Variants in ASIC2 observed in about 807,000 individuals in gnomAD.
ASIC2 encodes acid sensing ion channel subunit 2.
A neutral mutation model predicts 57.3 loss-of-function variants in ASIC2; 25 were observed. That is an observed-to-expected ratio of 0.44 (90% CI 0.32 to 0.61). ASIC2 has a LOEUF of 0.61. Ranked by LOEUF, ASIC2 falls within the 20% of genes least tolerant of loss-of-function variation. The pLI is 0.06. For synonymous variants in ASIC2, 319 were observed against 307.5 expected (o/e 1.04, Z -0.39); for missense variants, 641 against 738.1 (o/e 0.87, Z 1.52).
chr17:33,135,349 A>T (rs993012435), intron 1 of ASIC2, among the ~76,000 whole-genome samples: 17 of 152,100 alleles, frequency 1.1e-4, no homozygotes, highest in African/African-American at 4.1e-4. Context: ...GAAGCATCCC[A>T]TCTGGGCAGC....
chr17:33,063,883 T>C (rs9893318), intron 3 of ASIC2, among the ~76,000 whole-genome samples: 1,943 of 152,328 alleles, frequency 0.013, 34 homozygotes, highest in African/African-American at 0.044. Context: ...TTCTCTAAAC[T>C]TCTCTTCTCG....
intron 1 of ASIC2, among the ~76,000 whole-genome samples, chr17:33,402,055 G>C (rs1910304311): frequency 6.6e-6 from 1 of 152,102 alleles, no homozygotes; most frequent in Non-Finnish European, 1.5e-5. Flanking sequence ...ATTCTTGGAG[G>C]TCTTTGCAAG....
chr17:34,034,303 A>T (rs1907762571), intron 1 of ASIC2, among the ~76,000 whole-genome samples: 1 of 152,224 alleles, frequency 6.6e-6, no homozygotes, highest in Non-Finnish European at 1.5e-5. Flanking sequence ...CTTTGACAAA[A>T]TTCAACAACC....
intron 2 of ASIC2, among the ~76,000 whole-genome samples, chr17:33,104,905 A>G (rs1016300024): frequency 2.0e-5 from 3 of 152,148 alleles, no homozygotes; most frequent in African/African-American, 7.2e-5. Flanking sequence ...TCATCCTACA[A>G]TGAGGATTCT....
chr17:33,255,028 CTTTTTTT>C lies in ASIC2; in HGVS notation c.708+36373_708+36379del, dbSNP rs1173076413. Among the ~76,000 whole-genome samples, 198 of 74,014 alleles carry C rather than the reference CTTTTTTT, an allele frequency of 2.7e-3. 1 individual carries two copies. The South Asian group carries it at 0.027, about 10-fold the overall frequency. 48.6% of individuals were successfully genotyped at this position (74,014 alleles called of 152,430 possible). The stretch of plus-strand genomic sequence containing the variant: ...GACAAAATGCTATTTAGAAAGAAAT[CTTTTTTT>C]TTTTTTTTTTTTTTTTTTGGGACAG... On this transcript the variant is annotated intron_variant, in intron 1 of 9. Coordinates refer to ENST00000225823, the MANE Select transcript of ASIC2 (RefSeq NM_183377.2).
chr17:33,751,209 T>C (rs1181991153), intron 1 of ASIC2, among the ~76,000 whole-genome samples: 1 of 152,206 alleles, frequency 6.6e-6, no homozygotes, highest in Non-Finnish European at 1.5e-5. Flanking sequence ...AGCCCTATCA[T>C]TAATCAGATG....
chr17:33,445,660 G>A (rs913175042), intron 1 of ASIC2, among the ~76,000 whole-genome samples: 1 of 151,942 alleles, frequency 6.6e-6, no homozygotes, highest in African/African-American at 2.4e-5. Context: ...AGCTGGGCGT[G>A]GCGGCTCATG....
intron 1 of ASIC2, among the ~76,000 whole-genome samples, chr17:33,923,811 GA>G (rs1915761811): frequency 6.6e-6 from 1 of 152,164 alleles, no homozygotes; most frequent in South Asian, 2.1e-4. Flanking sequence ...GAGAGGGGAG[GA>G]GGGGCGTCCT....
intron 1 of ASIC2, among the ~76,000 whole-genome samples, chr17:33,222,128 A>C (rs1170385405): frequency 6.6e-6 from 1 of 152,194 alleles, no homozygotes; most frequent in Non-Finnish European, 1.5e-5. Context: ...GACTGGGGGA[A>C]TTCTTGTGTC....
intron 1 of ASIC2, among the ~76,000 whole-genome samples, chr17:33,790,406 A>G (rs1384290901): frequency 1.3e-5 from 2 of 152,236 alleles, no homozygotes; most frequent in Non-Finnish European, 2.9e-5. Flanking sequence ...AAAAACATAG[A>G]AAAAATGTAT....
At chr17:33,647,490 T>A (rs1906780481) in intron 1 of ASIC2, among the ~76,000 whole-genome samples, 1 of 152,150 alleles carries the variant, frequency 6.6e-6, no homozygotes, top group Non-Finnish European at 1.5e-5. Flanking sequence ...GGGCACCAGC[T>A]TGTCTTCTTC....
intron 1 of ASIC2, among the ~76,000 whole-genome samples, chr17:33,563,859 T>A (rs1209176711): frequency 2.0e-5 from 3 of 152,196 alleles, no homozygotes; most frequent in Admixed American, 1.3e-4. Flanking sequence ...CCTGCCTTAT[T>A]TCTTGGATGC....
chr17:33,791,178 T>G (rs1270619768), intron 1 of ASIC2, among the ~76,000 whole-genome samples: 1 of 152,194 alleles, frequency 6.6e-6, no homozygotes, highest in East Asian at 1.9e-4. Flanking sequence ...TGAGGATTTA[T>G]GTCAAAGTCA....
chr17:33,244,987 G>A (rs1908639350), intron 1 of ASIC2, among the ~76,000 whole-genome samples: 1 of 152,158 alleles, frequency 6.6e-6, no homozygotes, highest in African/African-American at 2.4e-5. Flanking sequence ...CATAACAAAA[G>A]CGTTAAACTG....
At chr17:33,366,234 G>A (rs1030744813) in intron 1 of ASIC2, among the ~76,000 whole-genome samples, 1 of 152,218 alleles carries the variant, frequency 6.6e-6, no homozygotes, top group African/African-American at 2.4e-5. Flanking sequence ...GACTTTATCT[G>A]AATAAAATCT....
intron 3 of ASIC2, among the ~76,000 whole-genome samples, chr17:33,063,675 A>G (rs747153137): frequency 6.6e-6 from 1 of 152,056 alleles, no homozygotes; most frequent in African/African-American, 2.4e-5. Flanking sequence ...TCTTTGTGGC[A>G]TTCTCTGTAT....
At chr17:33,563,121 C>T (rs1183593315) in intron 1 of ASIC2, among the ~76,000 whole-genome samples, 1 of 152,166 alleles carries the variant, frequency 6.6e-6, no homozygotes, top group Non-Finnish European at 1.5e-5. Flanking sequence ...AAGCTTCCCT[C>T]TAAAGCTTAA....
intron 1 of ASIC2, among the ~76,000 whole-genome samples, chr17:33,205,648 A>G (rs1907032488): frequency 6.6e-6 from 1 of 152,224 alleles, no homozygotes; most frequent in Non-Finnish European, 1.5e-5. Context: ...GAGTTCCTTG[A>G]ACCTGGCAAT....
In ASIC2 at chr17:33,863,105, C is replaced by T. The variant is rs528606875; in HGVS notation, c.555+292873G>A. Among the ~76,000 whole-genome samples, 169 of 152,342 alleles carry T rather than the reference C, an allele frequency of 1.1e-3. 1 individual carries two copies. Among genetic ancestry groups the T allele is most frequent in the African/African-American group, 3.9e-3 (161 of 41,584 alleles). On this transcript the variant is annotated intron_variant, in intron 1 of 9. Transcript: ENST00000359872. Reference sequence around the variant, plus strand: ...ACTGGTCCTCTGACCTCAAGGGAGCCAGCTTATAGCTAAGTCAATCAGATG... The same window carrying T: ...ACTGGTCCTCTGACCTCAAGGGAGCTAGCTTATAGCTAAGTCAATCAGATG...
Sources: allele counts gnomAD v4.1 joint callset (sites outside exome capture counted in the v4.1 genomes callset), GRCh38; gene constraint gnomAD v4.1.1; transcripts MANE v1.5; gene names NCBI Gene and HGNC (gene_info 2026-07-23, HGNC 2026-07-21).